XKR6: variants seen among roughly 807,000 people sequenced by gnomAD.
The protein encoded by XKR6 is XK-related protein 6.
A neutral mutation model predicts 56.7 loss-of-function variants in XKR6; 22 were observed. That is an observed-to-expected ratio of 0.39 (90% CI 0.28 to 0.55). The LOEUF (loss-of-function observed/expected upper bound fraction) is 0.55, where lower values mean the gene tolerates loss of function less well. Among genes scored for constraint, XKR6 ranks in the 20% least tolerant of loss-of-function variants. XKR6 has a pLI of 0.66. For synonymous variants in XKR6, 524 were observed against 387.8 expected (o/e 1.35, Z -4.13); for missense variants, 852 against 889.0 (o/e 0.96, Z 0.53).
chr8:11,108,048 T>C (rs1047921909), intron 1 of XKR6: 20 of 325,788 alleles, frequency 6.1e-5, no homozygotes, highest in African/African-American at 4.2e-4. Flanking sequence ...CTGTATTTTG[T>C]AGGAAAGTTC....
intron 1 of XKR6, among the ~76,000 whole-genome samples, chr8:11,023,061 C>T (rs912595507): frequency 4.6e-5 from 7 of 152,182 alleles, no homozygotes; most frequent in African/African-American, 1.4e-4. Context: ...AAACTCCAGA[C>T]CAAAGGCTCA....
intron 1 of XKR6, among the ~76,000 whole-genome samples, chr8:11,177,995 A>C (rs183901781): frequency 1.3e-5 from 2 of 152,302 alleles, no homozygotes; most frequent in East Asian, 3.9e-4. Flanking sequence ...CAACCAAAAA[A>C]ACGGATCCCA....
intron 1 of XKR6, among the ~76,000 whole-genome samples, chr8:11,082,448 A>T (rs2129170217): frequency 6.6e-6 from 1 of 152,382 alleles, no homozygotes; most frequent in East Asian, 1.9e-4. Context: ...TTCACCGGGC[A>T]AACAGTGCCC....
intron 1 of XKR6, among the ~76,000 whole-genome samples, chr8:11,072,266 G>A (rs1277855944): frequency 6.6e-6 from 1 of 151,824 alleles, no homozygotes; most frequent in African/African-American, 2.4e-5. Context: ...TGGAGAGGCA[G>A]CAGGGCTCCA....
At chr8:11,177,395 A>G (rs1802713877) in intron 1 of XKR6, among the ~76,000 whole-genome samples, 1 of 152,228 alleles carries the variant, frequency 6.6e-6, no homozygotes, top group African/African-American at 2.4e-5. Flanking sequence ...CACTGGGTCA[A>G]CTACAAAAGA....
At chr8:11,144,944 A>C (rs1004723030) in intron 1 of XKR6, among the ~76,000 whole-genome samples, 7 of 147,736 alleles carry the variant, frequency 4.7e-5, no homozygotes, top group Non-Finnish European at 1.0e-4. Flanking sequence ...GAAGCGAGGA[A>C]AGAAGGGAGA....
At chr8:11,156,835 A>G (rs1043876402) in intron 1 of XKR6, among the ~76,000 whole-genome samples, 3 of 151,786 alleles carry the variant, frequency 2.0e-5, no homozygotes, top group Non-Finnish European at 4.4e-5. Context: ...ACACAGATGC[A>G]CACACACACA....
At chr8:11,032,647 G>A (rs1203151866) in intron 1 of XKR6, among the ~76,000 whole-genome samples, 1 of 152,192 alleles carries the variant, frequency 6.6e-6, no homozygotes, top group African/African-American at 2.4e-5. Flanking sequence ...GCCCTCCCCA[G>A]GCTCACCAGA....
intron 1 of XKR6, among the ~76,000 whole-genome samples, chr8:10,927,110 G>A (rs1469097928): frequency 2.0e-5 from 3 of 152,216 alleles, no homozygotes; most frequent in East Asian, 1.9e-4. Context: ...GTTCCTGGAA[G>A]CAGATGTCAT....
At chr8:10,965,925 C>T (rs569238156) in intron 1 of XKR6, among the ~76,000 whole-genome samples, 1 of 152,332 alleles carries the variant, frequency 6.6e-6, no homozygotes, top group South Asian at 2.1e-4. Context: ...AAACGGCCTT[C>T]AACCTCCCAA....
chr8:10,989,462 A>C (rs56319439), intron 1 of XKR6, among the ~76,000 whole-genome samples: 37,451 of 152,034 alleles, frequency 0.25, 5,317 homozygotes, highest in Non-Finnish European at 0.33. Flanking sequence ...GTTTAATTTA[A>C]AAAAGCAAAT....
At chr8:10,923,305 G>C (rs1030517926) in intron 2 of XKR6, among the ~76,000 whole-genome samples, 6 of 152,210 alleles carry the variant, frequency 3.9e-5, no homozygotes, top group African/African-American at 1.2e-4. Context: ...CAGGACTGCA[G>C]CCAGCATTTT....
At chr8:11,113,624 T>C (rs970186441) in intron 1 of XKR6, among the ~76,000 whole-genome samples, 3 of 152,188 alleles carry the variant, frequency 2.0e-5, no homozygotes, top group Admixed American at 6.5e-5. Flanking sequence ...AACCTGTAAG[T>C]CTGGATTCCC....
chr8:11,068,397 G>C (rs1015892105), intron 1 of XKR6, among the ~76,000 whole-genome samples: 1 of 152,184 alleles, frequency 6.6e-6, no homozygotes, highest in Non-Finnish European at 1.5e-5. Flanking sequence ...GGACTGTCCT[G>C]CCCAAATGCC....
chr8:11,003,168 G>C (rs1341389987), intron 1 of XKR6, among the ~76,000 whole-genome samples: 1 of 146,940 alleles, frequency 6.8e-6, no homozygotes, highest in African/African-American at 2.4e-5. Context: ...AAATAATAGA[G>C]TACGTACTCT....
chr8:10,999,670 C>T (rs559095933), intron 1 of XKR6, among the ~76,000 whole-genome samples: 1 of 152,240 alleles, frequency 6.6e-6, no homozygotes, highest in East Asian at 1.9e-4. Context: ...CAGATGTGAC[C>T]AAGCTACCAA....
intron 1 of XKR6, among the ~76,000 whole-genome samples, chr8:11,129,763 A>T (rs549059721): frequency 6.6e-6 from 1 of 152,324 alleles, no homozygotes; most frequent in Admixed American, 6.5e-5. Flanking sequence ...GAGGACAGGG[A>T]AACAGGACAG....
chr8:11,099,240 A>G (rs1428778299), intron 1 of XKR6, among the ~76,000 whole-genome samples: 1 of 152,242 alleles, frequency 6.6e-6, no homozygotes, highest in Non-Finnish European at 1.5e-5. Context: ...AGTCACATCG[A>G]AAATCTGGAA....
At position 11,051,262 on chromosome 8, in the gene XKR6, C is replaced by T. The variant is rs147632476; in HGVS notation, c.765-126432G>A. On this transcript the variant is annotated intron_variant, in intron 1 of 2. Coordinates refer to ENST00000416569, the MANE Select transcript of XKR6 (RefSeq NM_173683.4). ...CCCGATCACCCTGCTGGTTCCCCCA[C>T]CTCCTGTCCTCCAGGTATGGCAAGC... Among the ~76,000 whole-genome samples, 69 of 152,212 alleles carry T rather than the reference C, an allele frequency of 4.5e-4. No homozygotes were observed. The East Asian group carries it at 0.013, about 28-fold the overall frequency.
Sources: gnomAD v4.1 joint callset for allele counts (sites outside exome capture counted in the v4.1 genomes callset) on GRCh38, gnomAD v4.1.1 for gene constraint, MANE v1.5 for transcripts, NCBI Gene and HGNC (gene_info 2026-07-23, HGNC 2026-07-21) for gene names.